DAPK1: variants seen among roughly 807,000 people sequenced by gnomAD.
The protein encoded by DAPK1 is death associated protein kinase 1.
In DAPK1, 56 loss-of-function variants were observed where a neutral mutation model predicts 144.9. The observed-to-expected ratio is 0.39, with a 90% confidence interval of 0.31 to 0.48. The LOEUF is 0.48. DAPK1 is among the 20% of genes least tolerant of loss of function. The pLI is 0.95. For missense variants in DAPK1, 1,454 were observed against 1,875.4 expected, an observed-to-expected ratio of 0.78 and a Z score of 4.15; for synonymous variants, 690 against 749.0, an observed-to-expected ratio of 0.92 and a Z score of 1.29.
At chr9:87,517,679 T>C (rs1437740816) in intron 2 of DAPK1, among the ~76,000 whole-genome samples, 1 of 152,210 alleles carries the variant, frequency 6.6e-6, no homozygotes, top group African/African-American at 2.4e-5. Context: ...TAGTGTGTTG[T>C]GCACGTTTTC....
In DAPK1 at chr9:87,706,559, G is replaced by A. The variant is rs372546766; in HGVS notation, c.3488G>A (p.Gly1163Asp). The change falls in exon 26 of 26, where the codon GGC (glycine) becomes GAC (aspartate). Residue 1163 changes from glycine (G) to aspartate (D), a missense_variant. Coordinates refer to ENST00000408954, the MANE Select transcript of DAPK1 (RefSeq NM_004938.4). This position sits in a 1 kb window ranked among gnomAD's most constrained non-coding sequence, Gnocchi z 9.0. ...CRWIHQQSTE[G>D]DADIRLWVNG... The stretch of plus-strand genomic sequence containing the variant: ...TGGATCCACCAGCAAAGCACAGAGG[G>A]CGACGCGGACATCCGCCTGTGGGTG... The A allele has an allele frequency of 1.2e-6, 2 of 1,613,958 alleles. No individual in the cohort carries two copies. The highest frequency in any genetic ancestry group is 1.7e-6 in the Non-Finnish European group (2 of 1,179,814).
intron 21 of DAPK1, among the ~76,000 whole-genome samples, chr9:87,691,490 G>A (rs1350929268): frequency 6.6e-6 from 1 of 151,624 alleles, no homozygotes; most frequent in Non-Finnish European, 1.5e-5. Context: ...GTTTTGTTTA[G>A]TTCTTCTCTG....
At chr9:87,537,407 G>A (rs1203201860) in intron 2 of DAPK1, among the ~76,000 whole-genome samples, 1 of 152,036 alleles carries the variant, frequency 6.6e-6, no homozygotes, top group East Asian at 1.9e-4. Flanking sequence ...GATGTTTCTG[G>A]GTATGGTGTG....
chr9:87,588,513 A>T (rs1018621713), intron 2 of DAPK1, among the ~76,000 whole-genome samples: 6 of 152,202 alleles, frequency 3.9e-5, no homozygotes, highest in African/African-American at 1.4e-4. Context: ...TTCCCAAATG[A>T]CCATGCTGAG....
intron 3 of DAPK1, among the ~76,000 whole-genome samples, chr9:87,629,749 CATT>C (rs1186526541): frequency 1.3e-5 from 2 of 152,114 alleles, no homozygotes; most frequent in Non-Finnish European, 2.9e-5. Flanking sequence ...GTCAGTTTGA[CATT>C]ATATTTTCCA....
intron 2 of DAPK1, among the ~76,000 whole-genome samples, chr9:87,555,379 G>T (rs1826670841): frequency 6.6e-6 from 1 of 152,062 alleles, no homozygotes; most frequent in Admixed American, 6.5e-5. Context: ...ACAGACACAA[G>T]GACTAGATGA....
chr9:87,567,213 C>T (rs1321862704), intron 2 of DAPK1, among the ~76,000 whole-genome samples: 2 of 152,188 alleles, frequency 1.3e-5, no homozygotes, highest in East Asian at 3.9e-4. Flanking sequence ...GTGGCTGGTG[C>T]CAAGTCAATC....
At chr9:87,599,796 A>G (rs1042659885) in intron 2 of DAPK1, among the ~76,000 whole-genome samples, 9 of 152,236 alleles carry the variant, frequency 5.9e-5, no homozygotes, top group Non-Finnish European at 7.3e-5. Context: ...ACACTAAACC[A>G]TTGCTCTTAG....
chr9:87,524,831 C>A (rs1242382436), intron 2 of DAPK1, among the ~76,000 whole-genome samples: 1 of 152,146 alleles, frequency 6.6e-6, no homozygotes, highest in East Asian at 1.9e-4. Context: ...TAAGAGGGAG[C>A]TAAGCTATGA....
At chr9:87,594,594 A>G (rs1477822729) in intron 2 of DAPK1, among the ~76,000 whole-genome samples, 1 of 152,220 alleles carries the variant, frequency 6.6e-6, no homozygotes, top group African/African-American at 2.4e-5. Flanking sequence ...GCCAGGCTCC[A>G]GGCTCCTTCC....
intron 2 of DAPK1, among the ~76,000 whole-genome samples, chr9:87,510,154 C>G (rs540160583): frequency 6.6e-6 from 1 of 152,174 alleles, no homozygotes; most frequent in East Asian, 1.9e-4. Flanking sequence ...TCTGTGCGTT[C>G]CTCCCCACCC....
intron 6 of DAPK1, 28 bp from the exon 7 acceptor site, chr9:87,639,761 T>G: frequency 6.2e-7 from 1 of 1,613,566 alleles, no homozygotes. Flanking sequence ...TCTGACATGT[T>G]TTTTTGTTTG....
At chr9:87,611,378 T>C (rs1828921828) in intron 3 of DAPK1, among the ~76,000 whole-genome samples, 1 of 152,142 alleles carries the variant, frequency 6.6e-6, no homozygotes, top group South Asian at 2.1e-4. Flanking sequence ...CTCAAGCTCC[T>C]GCACTCAAGC....
chr9:87,646,562 C>A lies in DAPK1; in HGVS notation c.1230+3C>A. On this transcript the variant is annotated splice_donor_region_variant and intron_variant, in intron 13 of 25. Transcript: ENST00000408954. ...CGAGAATCGATGTCCAGGATAAGGT[C>A]ATAATTGTTTTATTGAAATGAATTG... 6.2e-7 allele frequency: 1 copy of A among 1,600,870 alleles called. No individual in the cohort carries two copies. Among genetic ancestry groups the A allele is most frequent in the South Asian group, 1.1e-5 (1 of 90,598 alleles).
chr9:87,532,891 A>G (rs1834419614), intron 2 of DAPK1, among the ~76,000 whole-genome samples: 1 of 152,220 alleles, frequency 6.6e-6, no homozygotes, highest in Non-Finnish European at 1.5e-5. Flanking sequence ...GCCTCTCTGT[A>G]CAATCATCTG....
intron 18 of DAPK1, among the ~76,000 whole-genome samples, chr9:87,659,659 G>A (rs570459504): frequency 6.6e-6 from 1 of 152,100 alleles, no homozygotes; most frequent in African/African-American, 2.4e-5. Context: ...AGTGGTCCCC[G>A]CCTGGCTCCT....
chr9:87,518,536 T>A (rs1382348905), intron 2 of DAPK1, among the ~76,000 whole-genome samples: 1 of 152,294 alleles, frequency 6.6e-6, no homozygotes, highest in East Asian at 1.9e-4. Flanking sequence ...GCTCTTTTTT[T>A]AATGATGCTT....
At chr9:87,519,185 TG>T (rs1480178586) in intron 2 of DAPK1, among the ~76,000 whole-genome samples, 3 of 152,146 alleles carry the variant, frequency 2.0e-5, no homozygotes, top group Admixed American at 1.3e-4. Context: ...GCTTTATCAC[TG>T]GGTTCAGCAA....
chr9:87,659,430 T>C (rs1487837283), intron 18 of DAPK1, among the ~76,000 whole-genome samples: 1 of 152,154 alleles, frequency 6.6e-6, no homozygotes, highest in Non-Finnish European at 1.5e-5. Flanking sequence ...TTCCAGTTAC[T>C]CCCTAATAGA....
Sources: allele counts gnomAD v4.1 joint callset (sites outside exome capture counted in the v4.1 genomes callset), GRCh38; gene constraint gnomAD v4.1.1; non-coding constraint Gnocchi (gnomAD v3.1); transcripts MANE v1.5; gene names NCBI Gene and HGNC (gene_info 2026-07-23, HGNC 2026-07-21).